TPH2: variants seen among roughly 807,000 people sequenced by gnomAD.
The protein encoded by TPH2 is tryptophan 5-hydroxylase 2.
A neutral mutation model predicts 59.1 loss-of-function variants in TPH2; 27 were observed. The ratio of observed to expected loss-of-function variants is 0.46; its 90% CI spans 0.34 to 0.63. The LOEUF is 0.63. TPH2 is among the 30% of genes least tolerant of loss of function. The pLI is 0.01. For missense variants in TPH2, 523 were observed against 588.3 expected (o/e 0.89, Z 1.15); for synonymous variants, 220 against 210.5 (o/e 1.05, Z -0.39).
chr12:71,961,794 G>T (rs1006861964), intron 5 of TPH2: 53 of 1,238,746 alleles, frequency 4.3e-5, no homozygotes, highest in Non-Finnish European at 5.3e-5. Flanking sequence ...ATCCTGTGGT[G>T]CACAGGACAA....
intron 5 of TPH2, among the ~76,000 whole-genome samples, chr12:71,967,386 G>A (rs1411384955): frequency 6.6e-6 from 1 of 152,182 alleles, no homozygotes; most frequent in Non-Finnish European, 1.5e-5. Flanking sequence ...CCACCAGAGA[G>A]TTTTCCCTGT....
At chr12:72,020,634 G>C (rs889426166) in intron 8 of TPH2, among the ~76,000 whole-genome samples, 3 of 152,062 alleles carry the variant, frequency 2.0e-5, no homozygotes, top group African/African-American at 7.2e-5. Context: ...GATTACAGGT[G>C]CACCACCACG....
intron 5 of TPH2, among the ~76,000 whole-genome samples, chr12:71,956,865 C>T (rs1871522635): frequency 6.6e-6 from 1 of 152,110 alleles, no homozygotes; most frequent in South Asian, 2.1e-4. Flanking sequence ...CTGCCTTGGC[C>T]TCCCAAAGTG....
chr12:71,940,599 A>G (rs1365296055), intron 1 of TPH2, among the ~76,000 whole-genome samples: 2 of 152,218 alleles, frequency 1.3e-5, no homozygotes, highest in Middle Eastern at 3.2e-3. Flanking sequence ...CATATAAAGA[A>G]TATAAAACAG....
chr12:71,969,390 A>T (rs1871911028), intron 5 of TPH2, among the ~76,000 whole-genome samples: 2 of 152,202 alleles, frequency 1.3e-5, no homozygotes, highest in Admixed American at 1.3e-4. Flanking sequence ...CAAAAAACCC[A>T]CTAACCCATA....
chr12:72,019,904 A>G (rs1873363798), intron 8 of TPH2, among the ~76,000 whole-genome samples: 1 of 152,182 alleles, frequency 6.6e-6, no homozygotes, highest in African/African-American at 2.4e-5. Context: ...GGAGTCACAT[A>G]GCTAATGAGA....
intron 5 of TPH2, among the ~76,000 whole-genome samples, chr12:71,953,063 C>T (rs988258765): frequency 2.6e-5 from 4 of 152,096 alleles, no homozygotes; most frequent in East Asian, 1.9e-4. Context: ...CATTGAAGGG[C>T]TGTTGCATAT....
chr12:72,018,926 G>T (rs1311277364), intron 8 of TPH2, among the ~76,000 whole-genome samples: 2 of 152,146 alleles, frequency 1.3e-5, no homozygotes, highest in African/African-American at 2.4e-5. Context: ...TCACCATCTA[G>T]ACTGCTCCTG....
At chr12:71,952,335 G>A (rs1871372650) in intron 5 of TPH2, among the ~76,000 whole-genome samples, 1 of 152,154 alleles carries the variant, frequency 6.6e-6, no homozygotes, top group African/African-American at 2.4e-5. Flanking sequence ...TGGAGCTGGG[G>A]CATTCCAGGA....
At chr12:72,024,315 C>T (rs11179062) in intron 9 of TPH2, among the ~76,000 whole-genome samples, 3 of 152,158 alleles carry the variant, frequency 2.0e-5, no homozygotes, top group African/African-American at 2.4e-5. Context: ...TGGAGAGCCA[C>T]GTGTGGACCC....
chr12:71,964,667 A>G (rs1871766279), intron 5 of TPH2: 2 of 985,414 alleles, frequency 2.0e-6, no homozygotes, highest in African/African-American at 3.5e-5. Flanking sequence ...CTGGCTAAAA[A>G]TGAGAGTCAT....
Position 72,030,113 on chromosome 12 carries a change from T to A in TPH2, c.1165-1145T>A, listed in dbSNP as rs556591337. Among the ~76,000 whole-genome samples the A allele has an allele frequency of 2.0e-5, 3 of 152,290 alleles. No individual in the cohort carries two copies. In the South Asian group the frequency reaches 6.2e-4, roughly 32 times the overall value. On this transcript the variant is annotated intron_variant, in intron 9 of 10. Transcript: ENST00000333850. ...ATTGCTGAGGTTACCCAGTTAGACCTGGACTAAAGCCCCAGTTTTCCAACT... is the reference window on the plus strand; with the variant it reads ...ATTGCTGAGGTTACCCAGTTAGACCAGGACTAAAGCCCCAGTTTTCCAACT...
chr12:72,000,820 TTC>T (rs1465358006), intron 8 of TPH2, among the ~76,000 whole-genome samples: 1 of 152,230 alleles, frequency 6.6e-6, no homozygotes, highest in Non-Finnish European at 1.5e-5. Context: ...TCTCATCCTC[TTC>T]TGTCTGCTGT....
In TPH2 at chr12:71,944,571, C is replaced by T. The variant is rs745529330; in HGVS notation, c.440-15C>T. 4.3e-6 allele frequency: 7 copies of T among 1,613,562 alleles called. No individual in the cohort carries two copies. The highest frequency in any genetic ancestry group is 5.9e-6 in the Non-Finnish European group (7 of 1,179,618). On this transcript the variant is annotated splice_polypyrimidine_tract_variant and intron_variant, in intron 3 of 10. Coordinates refer to ENST00000333850, the MANE Select transcript of TPH2 (RefSeq NM_173353.4). ...CTGTGAACTAATATTTTTGAACCTG[C>T]ACTGTTTTCAACAGAGCTAGAGGAT...
intron 7 of TPH2, 23 bp from the exon 8 acceptor site, chr12:71,994,416 C>T (rs1872644916): frequency 3.1e-6 from 5 of 1,613,186 alleles, no homozygotes; most frequent in East Asian, 2.2e-5. Flanking sequence ...TTTAACACGT[C>T]TTTGTGATGT....
In TPH2 at chr12:72,031,946, C is replaced by T. The variant is rs1262595219; in HGVS notation, c.*251C>T. On this transcript the variant is annotated 3_prime_UTR_variant, in exon 11 of 11. Transcript: ENST00000333850. ...ATCTTAAAAAGATTTGACATTCCTG[C>T]TTAGTGTCCTTAACCAAACTGCATC... 4.0e-6 allele frequency: 2 copies of T among 494,134 alleles called. No homozygotes were observed. Among genetic ancestry groups the T allele is most frequent in the African/African-American group, 3.9e-5 (2 of 51,496 alleles). The allele number at this position is 494,134 out of a possible 1,614,324, so 30.6% of individuals were successfully genotyped here.
chr12:72,030,325 C>T (rs1269389424), intron 9 of TPH2, among the ~76,000 whole-genome samples: 3 of 152,102 alleles, frequency 2.0e-5, no homozygotes, highest in Non-Finnish European at 4.4e-5. Context: ...CCAGACCTGC[C>T]AAATGAAATT....
intron 6 of TPH2, among the ~76,000 whole-genome samples, chr12:71,977,841 GA>G (rs1345332698): frequency 2.8e-4 from 42 of 152,262 alleles, no homozygotes; most frequent in African/African-American, 1.0e-3. Context: ...GCTCTTGTGA[GA>G]AAAGAACAGA....
At chr12:71,980,508 T>C (rs1872245076) in intron 7 of TPH2, among the ~76,000 whole-genome samples, 1 of 152,156 alleles carries the variant, frequency 6.6e-6, no homozygotes, top group African/African-American at 2.4e-5. Flanking sequence ...CTACATTTTT[T>C]TTTTTAAGCT....
Sources: allele counts gnomAD v4.1 joint callset (sites outside exome capture counted in the v4.1 genomes callset), GRCh38; gene constraint gnomAD v4.1.1; transcripts MANE v1.5; gene names NCBI Gene and HGNC (gene_info 2026-07-23, HGNC 2026-07-21).